The following MSI2 variants were observed in gnomAD, a reference collection of about 807,000 sequenced individuals.
The protein encoded by MSI2 is musashi RNA binding protein 2, also known as RNA-binding protein Musashi homolog 2.
MSI2 carries 17 observed loss-of-function variants against 45.6 expected under a neutral mutation model. That is an observed-to-expected ratio of 0.37 (90% CI 0.26 to 0.56). The LOEUF (loss-of-function observed/expected upper bound fraction) is 0.56. Ranked by LOEUF, MSI2 falls within the 20% of genes least tolerant of loss-of-function variation. The pLI is 0.77. For synonymous variants in MSI2, 156 were observed against 158.2 expected, an observed-to-expected ratio of 0.99 and a Z score of 0.11; for missense variants, 293 against 444.2, an observed-to-expected ratio of 0.66 and a Z score of 3.06.
chr17:57,519,028 G>A (rs936475813), intron 6 of MSI2, among the ~76,000 whole-genome samples: 10 of 152,134 alleles, frequency 6.6e-5, no homozygotes, highest in African/African-American at 1.2e-4. Context: ...CTCCAGGGTG[G>A]TGCTTGGGCC....
intron 5 of MSI2, among the ~76,000 whole-genome samples, chr17:57,292,284 G>T (rs1216725074): frequency 6.6e-6 from 1 of 152,198 alleles, no homozygotes; most frequent in Non-Finnish European, 1.5e-5. Flanking sequence ...GAATCCTGGC[G>T]GCTTAGGAGC....
intron 9 of MSI2, among the ~76,000 whole-genome samples, chr17:57,623,033 T>G (rs531268900): frequency 8.5e-5 from 13 of 152,292 alleles, no homozygotes; most frequent in African/African-American, 3.1e-4. Context: ...GGAGCTTTCA[T>G]TTTAGATAAT....
chr17:57,507,202 C>CCTTG (rs2086250353), intron 6 of MSI2, among the ~76,000 whole-genome samples: 4 of 29,188 alleles, frequency 1.4e-4, no homozygotes, highest in Admixed American at 4.4e-4. Context: ...AATCTCTTCC[C>CCTTG]ATTGGTTTTT....
intron 7 of MSI2, among the ~76,000 whole-genome samples, chr17:57,550,704 G>C (rs2087283348): frequency 6.6e-6 from 1 of 152,156 alleles, no homozygotes; most frequent in East Asian, 1.9e-4. Context: ...GCTGGAAAAT[G>C]TTGGAGATTT....
the MSI2 span, among the ~76,000 whole-genome samples, chr17:57,694,301 T>A: frequency 6.6e-6 from 1 of 152,230 alleles, no homozygotes; most frequent in African/African-American, 2.4e-5. Flanking sequence ...TCTAGCATTT[T>A]CTTATTCTTA....
At chr17:57,460,388 G>A (rs2085203468) in intron 6 of MSI2, among the ~76,000 whole-genome samples, 1 of 151,202 alleles carries the variant, frequency 6.6e-6, no homozygotes, top group South Asian at 2.1e-4. Flanking sequence ...GAAAAAGAGA[G>A]AAAGAGAAGA....
chr17:57,375,494 G>A lies in MSI2; in HGVS notation c.313-25885G>A, dbSNP rs1423069414. Among the ~76,000 whole-genome samples, 5 of 152,322 alleles carry A rather than the reference G, an allele frequency of 3.3e-5. No homozygotes were observed. In the East Asian group the frequency reaches 5.8e-4, roughly 18 times the overall value. ...GCGAGTAGAAATGGTGATGGAATAC[G>A]GAGGATTGTATGCCAGGCAGCATGG... On this transcript the variant is annotated intron_variant, in intron 5 of 13. Transcript: ENST00000284073.
Position 57,610,927 on chromosome 17 carries a change from G to A in MSI2, c.538-5043G>A, listed in dbSNP as rs1907176772. Among the ~76,000 whole-genome samples the A allele has an allele frequency of 2.1e-5, 2 of 94,482 alleles. 1 individual carries two copies. The allele number at this position is 94,482 out of a possible 152,430, so 62.0% of individuals were successfully genotyped here. A position where few individuals can be genotyped will look rare whatever the true frequency, so the allele number is the denominator to read the frequency against. On this transcript the variant is annotated intron_variant, in intron 8 of 13. Transcript: ENST00000284073. ...TCCCATCAATTTTGTTGGGGTGGGG[G>A]GTGTTGGCACATCCCTGGTATTGGG... is the stretch of plus-strand genomic sequence containing the variant.
intron 5 of MSI2, among the ~76,000 whole-genome samples, chr17:57,341,612 G>C (rs1463497445): frequency 3.3e-5 from 5 of 152,222 alleles, no homozygotes; most frequent in Non-Finnish European, 7.3e-5. Context: ...GACTTTTTGG[G>C]AGAGTGTTTG....
intron 6 of MSI2, among the ~76,000 whole-genome samples, chr17:57,466,124 A>G (rs1046876855): frequency 6.6e-6 from 1 of 152,162 alleles, no homozygotes; most frequent in Non-Finnish European, 1.5e-5. Flanking sequence ...GCCTTCAGGA[A>G]CCAGAGTCCC....
At chr17:57,343,201 A>C (rs934531041) in intron 5 of MSI2, among the ~76,000 whole-genome samples, 1 of 152,210 alleles carries the variant, frequency 6.6e-6, no homozygotes, top group Non-Finnish European at 1.5e-5. Flanking sequence ...CCCACTTTGC[A>C]GATGAAATGG....
intron 7 of MSI2, among the ~76,000 whole-genome samples, chr17:57,540,741 C>A (rs2087025623): frequency 6.6e-6 from 1 of 152,190 alleles, no homozygotes; most frequent in African/African-American, 2.4e-5. Flanking sequence ...AACAGATTTT[C>A]CCCTGAGCCT....
intron 5 of MSI2, among the ~76,000 whole-genome samples, chr17:57,306,293 T>A (rs1302833261): frequency 6.6e-6 from 1 of 152,040 alleles, no homozygotes; most frequent in Non-Finnish European, 1.5e-5. Context: ...ATAGAGAAGA[T>A]CCCTTCCTTC....
chr17:57,583,818 A>G (rs117294582), intron 7 of MSI2, among the ~76,000 whole-genome samples: 1,644 of 152,282 alleles, frequency 0.011, 15 homozygotes, highest in Middle Eastern at 0.041. Context: ...GGAGATTTTA[A>G]AACATACAGA....
At chr17:57,450,639 C>T (rs1239733401) in intron 6 of MSI2, among the ~76,000 whole-genome samples, 1 of 139,948 alleles carries the variant, frequency 7.1e-6, no homozygotes, top group Admixed American at 7.6e-5. Context: ...CCACTGCACT[C>T]CAGCCTGGGT....
intron 7 of MSI2, among the ~76,000 whole-genome samples, chr17:57,549,269 A>G (rs2087247715): frequency 6.8e-6 from 1 of 147,874 alleles, no homozygotes; most frequent in African/African-American, 2.5e-5. Context: ...CCTAGCCTGC[A>G]GGGGTTTATG....
intron 7 of MSI2, among the ~76,000 whole-genome samples, chr17:57,561,333 T>C (rs1003095825): frequency 3.3e-5 from 5 of 152,154 alleles, no homozygotes; most frequent in African/African-American, 1.2e-4. Context: ...GTCACCCATG[T>C]CTCAGTCCCT....
chr17:57,558,137 T>A (rs756918403), intron 7 of MSI2, among the ~76,000 whole-genome samples: 1 of 152,136 alleles, frequency 6.6e-6, no homozygotes, highest in Admixed American at 6.5e-5. Flanking sequence ...ATAAAGGCTC[T>A]GGGGGAAAAG....
At chr17:57,356,459 A>G (rs944445158) in intron 5 of MSI2, among the ~76,000 whole-genome samples, 4 of 152,180 alleles carry the variant, frequency 2.6e-5, no homozygotes, top group African/African-American at 9.7e-5. Context: ...CATAGACATC[A>G]TTTTAGATGT....
Sources: allele counts gnomAD v4.1 joint callset (sites outside exome capture counted in the v4.1 genomes callset), GRCh38; gene constraint gnomAD v4.1.1; transcripts MANE v1.5; gene names NCBI Gene and HGNC (gene_info 2026-07-23, HGNC 2026-07-21).